The following RELCH variants were observed in gnomAD, a reference collection of about 807,000 sequenced individuals.
The protein encoded by RELCH is RAB11 binding and LisH domain, coiled-coil and HEAT repeat containing, also known as RAB11-binding protein RELCH.
RELCH carries 41 observed loss-of-function variants against 150.3 expected under a neutral mutation model. That is an observed-to-expected ratio of 0.27 (90% CI 0.21 to 0.35). RELCH has a LOEUF of 0.35. Ranked by LOEUF, RELCH falls within the 10% of genes least tolerant of loss-of-function variation. The pLI is 1.00. For synonymous variants in RELCH, 478 were observed against 531.8 expected, an observed-to-expected ratio of 0.90 and a Z score of 1.39; for missense variants, 1,092 against 1,467.8, an observed-to-expected ratio of 0.74 and a Z score of 4.18.
chr18:62,305,359 GA>G lies in RELCH; in HGVS notation c.3531-50del. 6.7e-7 allele frequency: 1 copy of G among 1,503,562 alleles called. No individual in the cohort carries two copies. Among genetic ancestry groups the G allele is most frequent in the Non-Finnish European group, 9.0e-7 (1 of 1,114,028 alleles). 93.1% of individuals were successfully genotyped at this position (1,503,562 alleles called of 1,614,324 possible). On this transcript the variant is annotated intron_variant, in intron 28 of 28. Coordinates refer to ENST00000644646, the MANE Select transcript of RELCH (RefSeq NM_001346231.2). The surrounding 1 kb of genome is among the most constrained non-coding windows in gnomAD (Gnocchi z 4.0). ...GTTAATGATATGCTACTAAATAAAT[GA>G]AAAATTTTTATTTTTTTAATTGCTT...
chr18:62,228,644 G>T (rs374740513), intron 8 of RELCH, 46 bp downstream of exon 8: 3 of 1,436,914 alleles, frequency 2.1e-6, no homozygotes, highest in Non-Finnish European at 2.8e-6. Flanking sequence ...CAGCTATTTA[G>T]TACATGTCAA....
chr18:62,245,817 C>A lies in RELCH; in HGVS notation c.1733+941C>A, dbSNP rs891998528. 5 of 152,234 alleles carry A rather than the reference C, an allele frequency of 3.3e-5. No homozygotes were observed. In the East Asian group the frequency reaches 5.8e-4, roughly 18 times the overall value. 9.4% of individuals were successfully genotyped at this position (152,234 alleles called of 1,614,324 possible). The stretch of plus-strand genomic sequence containing the variant: ...TGCCATTAATACACTTTTCTGCTTT[C>A]TAGTAGACAAGCATCTACTAGTAAT... On this transcript the variant is annotated intron_variant, in intron 11 of 28. Coordinates refer to ENST00000644646, the MANE Select transcript of RELCH (RefSeq NM_001346231.2).
At chr18:62,290,712 C>T (rs1432865494) in intron 26 of RELCH, among the ~76,000 whole-genome samples, 1 of 152,100 alleles carries the variant, frequency 6.6e-6, no homozygotes, top group Non-Finnish European at 1.5e-5. Flanking sequence ...AGATAATCAA[C>T]TAAAACTCAA....
chr18:62,269,473 A>G, intron 20 of RELCH: 1 of 414,866 alleles, frequency 2.4e-6, no homozygotes, highest in South Asian at 1.7e-5. Flanking sequence ...GTCTAAACAC[A>G]AAATGTGTTT....
intron 27 of RELCH, among the ~76,000 whole-genome samples, chr18:62,296,708 T>A (rs529033460): frequency 1.3e-5 from 2 of 152,214 alleles, no homozygotes; most frequent in Non-Finnish European, 2.9e-5. Flanking sequence ...ATTCCTAGTT[T>A]TTGAATGTTT....
At chr18:62,229,973 G>C (rs1355921388) in intron 8 of RELCH, among the ~76,000 whole-genome samples, 5 of 152,070 alleles carry the variant, frequency 3.3e-5, no homozygotes, top group Non-Finnish European at 7.4e-5. Context: ...TTTAGAAAGG[G>C]TCCTCTGAGC....
At chr18:62,296,185 T>C (rs2045398507) in intron 27 of RELCH, among the ~76,000 whole-genome samples, 2 of 152,240 alleles carry the variant, frequency 1.3e-5, no homozygotes, top group South Asian at 4.1e-4. Flanking sequence ...TATATTGTTT[T>C]ATATATTTCA....
chr18:62,193,030 TTCTC>T (rs1287454882), intron 1 of RELCH, among the ~76,000 whole-genome samples: 3 of 151,986 alleles, frequency 2.0e-5, no homozygotes, highest in East Asian at 1.9e-4. Context: ...ATTTATTGTG[TTCTC>T]TCTATTTCCT....
rs145651114 is a variant in RELCH, at chr18:62,220,277, G to C, written c.617-760G>C. 1.5e-3 allele frequency among the ~76,000 whole-genome samples: 231 copies of C among 151,390 alleles called. 1 individual carries two copies. Among genetic ancestry groups the C allele is most frequent in the African/African-American group, 5.1e-3 (209 of 41,276 alleles). On this transcript the variant is annotated intron_variant, in intron 2 of 28. Coordinates refer to ENST00000644646, the MANE Select transcript of RELCH (RefSeq NM_001346231.2). ...CTTTTAGAAATGTACACATTCATTT[G>C]CTATAGAATTATCTTAATTAGGAAT...
At chr18:62,280,520 T>G in intron 23 of RELCH, 126 bp from the exon 24 acceptor site, 1 of 1,420,888 alleles carries the variant, frequency 7.0e-7, no homozygotes, top group Non-Finnish European at 9.9e-7. Context: ...TTTTTTAAAT[T>G]TATTTAATTT....
intron 16 of RELCH, among the ~76,000 whole-genome samples, chr18:62,263,525 G>T (rs1304920486): frequency 6.6e-6 from 1 of 151,614 alleles, no homozygotes; most frequent in Non-Finnish European, 1.5e-5. Flanking sequence ...CTTATTTAGG[G>T]TATATCCATA....
chr18:62,303,227 G>A (rs567548560), intron 28 of RELCH, among the ~76,000 whole-genome samples: 3 of 152,140 alleles, frequency 2.0e-5, no homozygotes, highest in South Asian at 2.1e-4. Context: ...CAGATGGAAA[G>A]AATCAGAAGT....
intron 11 of RELCH, chr18:62,246,351 G>A (rs1299507117): frequency 2.6e-5 from 4 of 151,958 alleles, no homozygotes; most frequent in African/African-American, 9.7e-5. Flanking sequence ...ACTTTTTAAT[G>A]TTTACCTTAC....
intron 1 of RELCH, among the ~76,000 whole-genome samples, chr18:62,202,517 CT>C (rs567082320): frequency 6.6e-6 from 1 of 151,738 alleles, no homozygotes; most frequent in Non-Finnish European, 1.5e-5. Flanking sequence ...GATATCAGAG[CT>C]TTTTTTTCCT....
chr18:62,200,349 C>T (rs1206653223), intron 1 of RELCH, among the ~76,000 whole-genome samples: 1 of 152,176 alleles, frequency 6.6e-6, no homozygotes, highest in Non-Finnish European at 1.5e-5. Context: ...TTGTACTCCT[C>T]ACTATGGCTT....
At chr18:62,290,290 T>A (rs1168717131) in intron 26 of RELCH, among the ~76,000 whole-genome samples, 1 of 152,202 alleles carries the variant, frequency 6.6e-6, no homozygotes, top group Non-Finnish European at 1.5e-5. Context: ...TCCCAGCACT[T>A]TGGGAGGCCA....
rs183922726 is a variant in RELCH at position 62,293,503 on chromosome 18, C to A, written c.3459+1872C>A. 9.9e-4 allele frequency among the ~76,000 whole-genome samples: 151 copies of A among 152,126 alleles called. 1 individual carries two copies. Among genetic ancestry groups the A allele is most frequent in the African/African-American group, 3.5e-3 (147 of 41,492 alleles). The stretch of plus-strand genomic sequence containing the variant: ...TGAGACCTACCCATATTTTTTAGGG[C>A]AATAATCTCCTTTACTTAGAATTAA... On this transcript the variant is annotated intron_variant, in intron 27 of 28. Transcript: ENST00000644646.
intron 1 of RELCH, 113 bp downstream of exon 1, chr18:62,188,144 G>A: frequency 8.1e-7 from 1 of 1,241,370 alleles, no homozygotes; most frequent in Non-Finnish European, 1.1e-6. Context: ...TTTAAGGAAC[G>A]AGAGTATTGG....
At chr18:62,275,066 A>C (rs1439942459) in intron 21 of RELCH, among the ~76,000 whole-genome samples, 1 of 152,124 alleles carries the variant, frequency 6.6e-6, no homozygotes, top group East Asian at 1.9e-4. Context: ...ACAGGTGCGC[A>C]TCACCATGCC....
Sources: gnomAD v4.1 joint callset for allele counts (sites outside exome capture counted in the v4.1 genomes callset) on GRCh38, gnomAD v4.1.1 for gene constraint, Gnocchi (gnomAD v3.1) non-coding constraint, MANE v1.5 for transcripts, NCBI Gene and HGNC (gene_info 2026-07-23, HGNC 2026-07-21) for gene names.